XKR9: variants seen among roughly 807,000 people sequenced by gnomAD.
The protein encoded by XKR9 is XK related 9.
XKR9 carries 32 observed loss-of-function variants against 32.0 expected under a neutral mutation model. That is an observed-to-expected ratio of 1.00 (90% CI 0.76 to 1.34). The LOEUF is 1.34. Among genes scored for constraint, XKR9 ranks in the 40% most tolerant of loss-of-function variants. The pLI, the probability that XKR9 is intolerant of heterozygous loss-of-function variation, is 0.00. For missense variants in XKR9, 546 were observed against 429.7 expected, an observed-to-expected ratio of 1.27 and a Z score of -2.39; for synonymous variants, 168 against 143.4, an observed-to-expected ratio of 1.17 and a Z score of -1.22.
At chr8:70,718,313 T>G (rs1217282987) in intron 4 of XKR9, among the ~76,000 whole-genome samples, 2 of 131,530 alleles carry the variant, frequency 1.5e-5, no homozygotes, top group African/African-American at 5.1e-5. Flanking sequence ...TATTTATTTA[T>G]TTTTGTTTTA....
intron 3 of XKR9, among the ~76,000 whole-genome samples, chr8:70,695,422 G>A (rs2132143337): frequency 6.8e-6 from 1 of 146,264 alleles, no homozygotes; most frequent in South Asian, 2.1e-4. Context: ...GTGAGAACAT[G>A]CAGTGTTTGG....
At chr8:70,908,006 C>T in the XKR9 span, among the ~76,000 whole-genome samples, 1 of 152,242 alleles carries the variant, frequency 6.6e-6, no homozygotes, top group African/African-American at 2.4e-5. Flanking sequence ...ATAATTTACT[C>T]TTAATTCGTT....
intron 2 of XKR9, among the ~76,000 whole-genome samples, chr8:70,776,947 C>CTCTCTCTCTA: frequency 7.4e-4 from 40 of 54,208 alleles, no homozygotes; most frequent in South Asian, 2.4e-3. Context: ...CTCTCTCTCT[C>CTCTCTCTCTA]TATATATATA....
chr8:70,886,651 CT>C, the XKR9 span, among the ~76,000 whole-genome samples: 23,002 of 150,216 alleles, frequency 0.15, 2,159 homozygotes, highest in African/African-American at 0.27. Context: ...TGATGATAAG[CT>C]TTTTTTTTCA....
the XKR9 span, among the ~76,000 whole-genome samples, chr8:71,023,009 C>T: frequency 2.0e-5 from 3 of 151,546 alleles, no homozygotes; most frequent in Admixed American, 6.6e-5. Flanking sequence ...GTTTTTTCTG[C>T]TTTCTTTGTA....
At chr8:70,884,488 T>C in the XKR9 span, among the ~76,000 whole-genome samples, 39 of 152,230 alleles carry the variant, frequency 2.6e-4, no homozygotes, top group Admixed American at 4.6e-4. Context: ...TGTTTTCTTC[T>C]AGCAATTTTA....
At chr8:70,727,415 T>C (rs1365727211) in intron 4 of XKR9, among the ~76,000 whole-genome samples, 1 of 151,954 alleles carries the variant, frequency 6.6e-6, no homozygotes, top group East Asian at 1.9e-4. Flanking sequence ...TTTTTGTTTG[T>C]TTTGAGACAG....
chr8:70,782,933 A>G (rs114691823), intron 2 of XKR9, among the ~76,000 whole-genome samples: 354 of 152,290 alleles, frequency 2.3e-3, no homozygotes, highest in African/African-American at 8.3e-3. Flanking sequence ...TTGTTTGGGT[A>G]AATACTCAGA....
chr8:70,868,461 T>C, the XKR9 span, among the ~76,000 whole-genome samples: 1 of 152,090 alleles, frequency 6.6e-6, no homozygotes, highest in East Asian at 1.9e-4. Flanking sequence ...AGGTGGAAGC[T>C]GCCAAGGTTT....
chr8:70,893,387 G>T, the XKR9 span, among the ~76,000 whole-genome samples: 1 of 152,014 alleles, frequency 6.6e-6, no homozygotes, highest in Non-Finnish European at 1.5e-5. Context: ...ATGTTCCTCT[G>T]GTGCTGTCAT....
intron 2 of XKR9, among the ~76,000 whole-genome samples, chr8:70,755,351 C>T (rs1293934097): frequency 5.9e-5 from 9 of 152,144 alleles, no homozygotes; most frequent in South Asian, 2.1e-4. Flanking sequence ...GTCAGTGTGG[C>T]GATTCCTCAG....
At chr8:71,040,512 G>A in the XKR9 span, among the ~76,000 whole-genome samples, 2 of 152,120 alleles carry the variant, frequency 1.3e-5, no homozygotes, top group Non-Finnish European at 2.9e-5. Flanking sequence ...GAATATGAAA[G>A]CCCAAAGGCT....
At chr8:70,958,028 T>C in the XKR9 span, among the ~76,000 whole-genome samples, 3 of 152,102 alleles carry the variant, frequency 2.0e-5, no homozygotes, top group Non-Finnish European at 4.4e-5. Context: ...TCTCAGGTGA[T>C]CCACCTGCCT....
chr8:70,746,996 C>T (rs1807067630), intron 2 of XKR9, among the ~76,000 whole-genome samples: 1 of 152,206 alleles, frequency 6.6e-6, no homozygotes. Flanking sequence ...TTAGCTCCCA[C>T]TTATAAGTGA....
chr8:70,864,613 C>T, the XKR9 span, among the ~76,000 whole-genome samples: 5 of 152,298 alleles, frequency 3.3e-5, no homozygotes, highest in African/African-American at 1.2e-4. Context: ...CCTCATAATT[C>T]AGTGGTTCAG....
chr8:70,716,480 A>G (rs1806093548), intron 4 of XKR9, among the ~76,000 whole-genome samples: 2 of 152,146 alleles, frequency 1.3e-5, no homozygotes, highest in South Asian at 4.1e-4. Flanking sequence ...GGAAGCAAAC[A>G]CATCCTTCTT....
chr8:70,771,726 C>T (rs941376478), intron 2 of XKR9, among the ~76,000 whole-genome samples: 1 of 152,112 alleles, frequency 6.6e-6, no homozygotes, highest in Non-Finnish European at 1.5e-5. Flanking sequence ...CTGAAATGTT[C>T]CTTAACTCTG....
the XKR9 span, among the ~76,000 whole-genome samples, chr8:70,967,146 T>C: frequency 6.7e-6 from 1 of 148,816 alleles, no homozygotes; most frequent in African/African-American, 2.5e-5. Flanking sequence ...CACTGCAAGC[T>C]CCACCTCCTG....
the XKR9 span, among the ~76,000 whole-genome samples, chr8:70,820,500 G>A: frequency 6.6e-6 from 1 of 152,166 alleles, no homozygotes; most frequent in Admixed American, 6.5e-5. Context: ...AGCAAGAGAG[G>A]AAGAGGTGCC....
Sources: allele counts gnomAD v4.1 joint callset (sites outside exome capture counted in the v4.1 genomes callset), GRCh38; gene constraint gnomAD v4.1.1; transcripts MANE v1.5; gene names NCBI Gene and HGNC (gene_info 2026-07-23, HGNC 2026-07-21).